The following SLC15A1 variants were observed in gnomAD, a reference collection of about 807,000 sequenced individuals.
The protein encoded by SLC15A1 is solute carrier family 15 member 1, also known as Caco-2 oligopeptide transporter.
Under a neutral mutation model 92.9 loss-of-function variants are expected in SLC15A1, and 83 were observed. That is an observed-to-expected ratio of 0.89 (90% CI 0.75 to 1.07). The LOEUF (loss-of-function observed/expected upper bound fraction) is 1.07, where lower values mean the gene tolerates loss of function less well. Among genes scored for constraint, SLC15A1 ranks in the 50% least tolerant of loss-of-function variants. The probability of loss-of-function intolerance (pLI) is 0.00; values close to 1 mark genes in which losing one functional copy is unlikely to be tolerated. For missense variants in SLC15A1, 857 were observed against 880.1 expected (o/e 0.97, Z 0.33); for synonymous variants, 322 against 318.2 (o/e 1.01, Z -0.13).
Position 98,687,724 on chromosome 13 carries a change from T to C in SLC15A1, c.1684A>G (p.Asn562Asp), listed in dbSNP as rs1287023772. 3.1e-6 allele frequency: 5 copies of C among 1,612,508 alleles called. No homozygotes were observed. The highest frequency in any genetic ancestry group is 4.2e-6 in the Non-Finnish European group (5 of 1,179,596). ...SAYTYIVQRK[N>D]DSCPEVKVFE... ...ACCTTCACTTCAGGGCAGCTGTCAT[T>C]CTGCAGCAGTAAGGCAAAAGCAGAA... is the stretch of plus-strand genomic sequence containing the variant. Residue 562 changes from asparagine (N) to aspartate (D), a missense_variant and splice_region_variant, in exon 21 of 23, where the codon AAT (asparagine) becomes GAT (aspartate). By Grantham distance (23) the Asn-to-Asp change is conservative. Transcript: ENST00000376503.
At chr13:98,710,123 G>A (rs2088149396) in intron 11 of SLC15A1, among the ~76,000 whole-genome samples, 1 of 152,124 alleles carries the variant, frequency 6.6e-6, no homozygotes, top group Non-Finnish European at 1.5e-5. Flanking sequence ...AACACAATAC[G>A]GAGTGCTCCA....
chr13:98,714,350 C>T (rs534673967), intron 9 of SLC15A1, among the ~76,000 whole-genome samples: 1 of 152,022 alleles, frequency 6.6e-6, no homozygotes, highest in Admixed American at 6.6e-5. Context: ...AAGTGAAATA[C>T]AACACAATAC....
chr13:98,693,087 GTTTTTTTTTT>G (rs55817470), intron 18 of SLC15A1, among the ~76,000 whole-genome samples: 2 of 58,048 alleles, frequency 3.4e-5, no homozygotes, highest in East Asian at 4.0e-4. Context: ...TATTGTCTAC[GTTTTTTTTTT>G]TTTTTTTTTT....
chr13:98,692,136 C>CTTTTTTTTTTTT (rs528865683), intron 18 of SLC15A1, among the ~76,000 whole-genome samples: 3 of 67,636 alleles, frequency 4.4e-5, no homozygotes, highest in African/African-American at 8.7e-5. Flanking sequence ...TTCTCCTAAA[C>CTTTTTTTTTTTT]TTTTTTTTTT....
intron 22 of SLC15A1, among the ~76,000 whole-genome samples, chr13:98,685,275 A>G (rs1389779826): frequency 1.3e-5 from 2 of 152,208 alleles, no homozygotes; most frequent in Non-Finnish European, 2.9e-5. Flanking sequence ...AAAAATGAAT[A>G]TGCTGAACTC....
At chr13:98,704,241 C>T (rs2088092923) in intron 17 of SLC15A1, 48 bp downstream of exon 17, 2 of 1,509,304 alleles carry the variant, frequency 1.3e-6, no homozygotes, top group Non-Finnish European at 1.8e-6. Context: ...TTTTGGCCTC[C>T]AGTATCACAA....
chr13:98,728,977 T>TAAAAAAAAAAAAAAAA (rs71218592), intron 1 of SLC15A1, among the ~76,000 whole-genome samples: 21 of 13,894 alleles, frequency 1.5e-3, no homozygotes, highest in Middle Eastern at 0.062. Context: ...TAAGGCTCTG[T>TAAAAAAAAAAAAAAAA]AAAAAAAAAA....
intron 1 of SLC15A1, among the ~76,000 whole-genome samples, chr13:98,729,006 ACAACAAGCCCCAAAAC>A (rs2088326336): frequency 7.7e-6 from 1 of 129,684 alleles, no homozygotes; most frequent in African/African-American, 2.9e-5. Context: ...AAAAAAAAAA[ACAACAAGCCCCAAAAC>A]AAAAAACAAA....
At chr13:98,741,435 A>G (rs1470124930) in intron 1 of SLC15A1, among the ~76,000 whole-genome samples, 1 of 152,178 alleles carries the variant, frequency 6.6e-6, no homozygotes, top group Non-Finnish European at 1.5e-5. Context: ...CAGCATGGTG[A>G]AACCCCATCT....
At chr13:98,711,039 C>G (rs1221167318) in intron 11 of SLC15A1, among the ~76,000 whole-genome samples, 1 of 151,988 alleles carries the variant, frequency 6.6e-6, no homozygotes, top group Non-Finnish European at 1.5e-5. Context: ...AGCACTGCCT[C>G]CCGGGTCTGT....
Position 98,709,588 on chromosome 13 carries a change from A to G in SLC15A1, c.1051T>C (p.Cys351Arg), listed in dbSNP as rs2088144286. Residue 351 changes from cysteine (C) to arginine (R), a missense_variant, in exon 14 of 23, where the codon TGT becomes CGT. Cys to Arg is a radical substitution (Grantham distance 180). Coordinates refer to ENST00000376503, the MANE Select transcript of SLC15A1 (RefSeq NM_005073.4). ...GTCACCTACGTGAAATTGAAGCCAC[A>G]TTTTGCAATGAGAGGGTACAGCACA... ...DAVLYPLIAK[C>R]GFNFTSLKKM... 1.2e-6 allele frequency: 2 copies of G among 1,614,000 alleles called. No individual in the cohort carries two copies. The highest frequency in any genetic ancestry group is 2.2e-5 in the South Asian group (2 of 91,074).
At position 98,684,545 on chromosome 13, in the gene SLC15A1, CAAAAAAAAAA is replaced by C. The variant is rs4646233; in HGVS notation, c.*169_*178del. ...GGACAACAAGAGCAAAACTCTGTCT[CAAAAAAAAAA>C]AAAAAAAAAAAAAGAAAAGAAAAAG... On this transcript the variant is annotated 3_prime_UTR_variant, in exon 23 of 23. Coordinates refer to ENST00000376503, the MANE Select transcript of SLC15A1 (RefSeq NM_005073.4). The C allele has an allele frequency of 5.2e-5, 10 of 193,350 alleles. No homozygotes were observed. Among genetic ancestry groups the C allele is most frequent in the South Asian group, 9.9e-5 (1 of 10,084 alleles). 12.0% of individuals were successfully genotyped at this position (193,350 alleles called of 1,614,324 possible).
chr13:98,743,053 C>T (rs977501569), intron 1 of SLC15A1, among the ~76,000 whole-genome samples: 2 of 152,182 alleles, frequency 1.3e-5, no homozygotes, highest in African/African-American at 2.4e-5. Flanking sequence ...AGATTACGGG[C>T]ACGAGCCACC....
intron 1 of SLC15A1, 59 bp from the exon 2 acceptor site, chr13:98,726,918 G>C: frequency 1.3e-6 from 2 of 1,568,562 alleles, no homozygotes; most frequent in Non-Finnish European, 1.8e-6. Flanking sequence ...TTTTTGCTGT[G>C]TCTAAACTCA....
chr13:98,744,240 CAAAAAAAAAAAAA>C (rs898374872), intron 1 of SLC15A1, among the ~76,000 whole-genome samples: 4 of 42,360 alleles, frequency 9.4e-5, no homozygotes, highest in African/African-American at 3.6e-4. Context: ...GACTCTGTCT[CAAAAAAAAAAAAA>C]AAAAAAAAAA....
intron 18 of SLC15A1, 48 bp downstream of exon 18, chr13:98,702,432 C>T (rs1251355213): frequency 4.6e-6 from 6 of 1,315,948 alleles, no homozygotes; most frequent in Non-Finnish European, 6.6e-6. Context: ...GTATGCATTA[C>T]TTTCATAAGA....
intron 17 of SLC15A1, 56 bp downstream of exon 17, chr13:98,704,233 T>C: frequency 6.7e-7 from 1 of 1,495,668 alleles, no homozygotes; most frequent in Non-Finnish European, 8.9e-7. Context: ...CATAAAAATT[T>C]TGGCCTCCAG....
intron 18 of SLC15A1, among the ~76,000 whole-genome samples, chr13:98,694,433 A>C (rs144977647): frequency 1.5e-3 from 230 of 152,282 alleles, no homozygotes; most frequent in African/African-American, 5.3e-3. Flanking sequence ...TATTTTTTGC[A>C]TTATTTATGA....
rs151053191 is a variant in SLC15A1 at position 98,708,703 on chromosome 13, C to T, written c.1132G>A (p.Val378Met). ...ASMAFVVAAI[V>M]QVEIDKTLPV... ...CAACTCACATCGATTTCCACCTGCA[C>T]GATGGCAGCCACCACAAAGGCCATG... Residue 378 changes from valine (V) to methionine (M), a missense_variant, in exon 15 of 23, where the codon GTG (valine) becomes ATG (methionine). Val to Met is a conservative substitution (Grantham distance 21). Transcript: ENST00000376503. 72 of 1,613,208 alleles carry T rather than the reference C, an allele frequency of 4.5e-5. No individual in the cohort carries two copies. The highest frequency in any genetic ancestry group is 2.9e-4 in the African/African-American group (22 of 74,880).
Sources: gnomAD v4.1 joint callset for allele counts (sites outside exome capture counted in the v4.1 genomes callset) on GRCh38, gnomAD v4.1.1 for gene constraint, MANE v1.5 for transcripts, NCBI Gene and HGNC (gene_info 2026-07-23, HGNC 2026-07-21) for gene names.